The following HS3ST4 variants were observed in gnomAD, a reference collection of about 807,000 sequenced individuals.
HS3ST4 encodes heparan sulfate glucosamine 3-O-sulfotransferase 4.
Under a neutral mutation model 29.2 loss-of-function variants are expected in HS3ST4, and 17 were observed. The observed-to-expected ratio is 0.58, with a 90% CI of 0.40 to 0.87. The LOEUF is 0.87. Among genes scored for constraint, HS3ST4 ranks in the 40% least tolerant of loss-of-function variants. HS3ST4 has a pLI of 0.00. For synonymous variants in HS3ST4, 314 were observed against 285.7 expected (o/e 1.10, Z -1.00); for missense variants, 627 against 634.5 (o/e 0.99, Z 0.13).
intron 1 of HS3ST4, among the ~76,000 whole-genome samples, chr16:25,890,588 G>C (rs1421057529): frequency 2.0e-5 from 3 of 152,110 alleles, no homozygotes; most frequent in Non-Finnish European, 2.9e-5. Flanking sequence ...ACACTTTTTG[G>C]CTGGAGAGAA....
chr16:25,805,496 C>T (rs776847422), intron 1 of HS3ST4, among the ~76,000 whole-genome samples: 3 of 151,868 alleles, frequency 2.0e-5, no homozygotes, highest in Non-Finnish European at 4.4e-5. Context: ...CATGATTTCC[C>T]GCCTCTAATT....
chr16:25,796,312 G>T (rs938356339), intron 1 of HS3ST4, among the ~76,000 whole-genome samples: 1 of 152,148 alleles, frequency 6.6e-6, no homozygotes, highest in African/African-American at 2.4e-5. Context: ...GGGTTTGGGG[G>T]TTTGGCTTTT....
At chr16:25,993,986 G>A (rs866047542) in intron 1 of HS3ST4, among the ~76,000 whole-genome samples, 1,538 of 150,402 alleles carry the variant, frequency 0.01, 27 homozygotes, top group African/African-American at 0.036. Context: ...GTGTGTGTGT[G>A]TGTGTGTGTG....
chr16:25,701,159 C>T (rs994352768), intron 1 of HS3ST4, among the ~76,000 whole-genome samples: 1 of 152,170 alleles, frequency 6.6e-6, no homozygotes, highest in African/African-American at 2.4e-5. Flanking sequence ...TGTCTCACCA[C>T]AGTTTAGGCA....
intron 1 of HS3ST4, among the ~76,000 whole-genome samples, chr16:25,778,723 AAGGAGG>A (rs1315703431): frequency 7.3e-5 from 11 of 151,618 alleles, no homozygotes; most frequent in Non-Finnish European, 1.3e-4. Flanking sequence ...GAAGCAGGAG[AAGGAGG>A]AGAAGGAGAA....
intron 1 of HS3ST4, among the ~76,000 whole-genome samples, chr16:25,858,901 C>T (rs1967610037): frequency 6.6e-6 from 1 of 151,828 alleles, no homozygotes; most frequent in Non-Finnish European, 1.5e-5. Flanking sequence ...TGTAATTTCC[C>T]AATTCTTTAA....
At chr16:25,783,299 G>A (rs1287015351) in intron 1 of HS3ST4, among the ~76,000 whole-genome samples, 3 of 152,048 alleles carry the variant, frequency 2.0e-5, no homozygotes, top group Non-Finnish European at 2.9e-5. Flanking sequence ...TTCCAGAATG[G>A]TTCCATTTTT....
At chr16:25,988,877 C>A (rs969191606) in intron 1 of HS3ST4, among the ~76,000 whole-genome samples, 7 of 150,492 alleles carry the variant, frequency 4.7e-5, no homozygotes, top group South Asian at 2.1e-4. Flanking sequence ...AAAAAAAAAA[C>A]AAAACTCAAA....
chr16:25,956,129 T>C (rs540926057), intron 1 of HS3ST4, among the ~76,000 whole-genome samples: 1 of 152,314 alleles, frequency 6.6e-6, no homozygotes, highest in African/African-American at 2.4e-5. Context: ...GTGTACTTTT[T>C]AAAGGTATGT....
rs550431087 is a variant in HS3ST4, at chr16:25,957,382, A to G, written c.735-178230A>G. Reference sequence around the variant, plus strand: ...GTTTAATTAAATTTTATCTGCAGCAATGTAGCCTATGAAAGATCAGTGAAC... The same window carrying G: ...GTTTAATTAAATTTTATCTGCAGCAGTGTAGCCTATGAAAGATCAGTGAAC... On this transcript the variant is annotated intron_variant, in intron 1 of 1. Transcript: ENST00000331351. Among the ~76,000 whole-genome samples, 5 of 151,390 alleles carry G rather than the reference A, an allele frequency of 3.3e-5. No homozygotes were observed. The South Asian group carries it at 6.3e-4, about 19-fold the overall frequency.
chr16:25,910,411 C>T (rs577256505), intron 1 of HS3ST4, among the ~76,000 whole-genome samples: 4 of 152,150 alleles, frequency 2.6e-5, no homozygotes, highest in Admixed American at 6.5e-5. Context: ...GAGGCCGAGG[C>T]GGGCAGATCA....
chr16:25,754,894 C>T lies in HS3ST4; in HGVS notation c.734+61743C>T, dbSNP rs554885571. The stretch of plus-strand genomic sequence containing the variant: ...CCACCCATCCATCTATCCACCTACC[C>T]ATCAACCTGCCCATCCACCCATCCA... On this transcript the variant is annotated intron_variant, in intron 1 of 1. Coordinates refer to ENST00000331351, the MANE Select transcript of HS3ST4 (RefSeq NM_006040.3). Among the ~76,000 whole-genome samples the T allele has an allele frequency of 3.3e-5, 5 of 152,004 alleles. No individual in the cohort carries two copies. The South Asian group carries it at 8.4e-4, about 25-fold the overall frequency.
chr16:26,127,773 C>T (rs1407862482), intron 1 of HS3ST4, among the ~76,000 whole-genome samples: 1 of 152,206 alleles, frequency 6.6e-6, no homozygotes. Flanking sequence ...GCTATTGCCA[C>T]TACAACCTCA....
intron 1 of HS3ST4, among the ~76,000 whole-genome samples, chr16:25,949,931 G>T (rs1461541922): frequency 2.0e-5 from 3 of 152,168 alleles, no homozygotes; most frequent in Non-Finnish European, 4.4e-5. Flanking sequence ...GTTTGTTCAA[G>T]GAGAGAATCT....
intron 1 of HS3ST4, among the ~76,000 whole-genome samples, chr16:25,989,080 G>C (rs1423737345): frequency 1.3e-5 from 2 of 152,096 alleles, no homozygotes; most frequent in East Asian, 3.9e-4. Flanking sequence ...GACAGAAAAC[G>C]GAAGCAAGGT....
At chr16:25,973,457 A>C (rs2141707558) in intron 1 of HS3ST4, among the ~76,000 whole-genome samples, 1 of 152,252 alleles carries the variant, frequency 6.6e-6, no homozygotes, top group South Asian at 2.1e-4. Context: ...AGTGTGAGAA[A>C]CCCAACCGTT....
intron 1 of HS3ST4, among the ~76,000 whole-genome samples, chr16:25,999,390 C>A (rs1379181974): frequency 6.6e-6 from 1 of 152,096 alleles, no homozygotes; most frequent in Non-Finnish European, 1.5e-5. Context: ...GATTATTTCT[C>A]CATTTTCATT....
chr16:25,916,846 A>AT (rs1425624814), intron 1 of HS3ST4, among the ~76,000 whole-genome samples: 2 of 151,046 alleles, frequency 1.3e-5, no homozygotes, highest in East Asian at 3.9e-4. Flanking sequence ...CGCCCGGCTG[A>AT]TTTTTTGTAT....
rs999712081 is a variant in HS3ST4, at chr16:25,834,535, A to G, written c.734+141384A>G. Among the ~76,000 whole-genome samples the G allele has an allele frequency of 2.0e-5, 3 of 152,248 alleles. No individual in the cohort carries two copies. The East Asian group carries it at 5.8e-4, about 29-fold the overall frequency. ...AATCAATGTTGAGAGATGAAAAGCAAGTTGCACAAGTATCTATGTAATGTG... is the reference window on the plus strand; with the variant it reads ...AATCAATGTTGAGAGATGAAAAGCAGGTTGCACAAGTATCTATGTAATGTG... On this transcript the variant is annotated intron_variant, in intron 1 of 1. Coordinates refer to ENST00000331351, the MANE Select transcript of HS3ST4 (RefSeq NM_006040.3).
Sources: allele counts gnomAD v4.1 joint callset (sites outside exome capture counted in the v4.1 genomes callset), GRCh38; gene constraint gnomAD v4.1.1; transcripts MANE v1.5; gene names NCBI Gene and HGNC (gene_info 2026-07-23, HGNC 2026-07-21).